BRD10: variants seen among roughly 807,000 people sequenced by gnomAD.
BRD10 encodes the protein uncharacterized bromodomain-containing protein 10.
the BRD10 span, chr9:5,898,058 A>ATTT: frequency 6.2e-5 from 10 of 160,456 alleles, no homozygotes; most frequent in African/African-American, 2.0e-4. Context: ...AGCTGAACTC[A>ATTT]TTTTTTTTTT....
At chr9:5,939,691 A>G in the BRD10 span, among the ~76,000 whole-genome samples, 1 of 152,234 alleles carries the variant, frequency 6.6e-6, no homozygotes, top group Admixed American at 6.5e-5. Flanking sequence ...ATGAAAGAAT[A>G]AGGCCCTTAG....
chr9:5,889,680 G>A, the BRD10 span, among the ~76,000 whole-genome samples: 1 of 152,074 alleles, frequency 6.6e-6, no homozygotes, highest in African/African-American at 2.4e-5. Context: ...AGCTACTCAG[G>A]AGGCTGAGGC....
At chr9:5,953,882 A>G in the BRD10 span, 12 of 636,846 alleles carry the variant, frequency 1.9e-5, no homozygotes, top group Admixed American at 3.2e-5. Flanking sequence ...TGCAGGGAGA[A>G]AAGTCACTGT....
chr9:5,943,368 A>T, the BRD10 span, among the ~76,000 whole-genome samples: 2 of 152,172 alleles, frequency 1.3e-5, no homozygotes, highest in African/African-American at 2.4e-5. Context: ...AATAAATAAA[A>T]GTTATGTTTA....
chr9:5,998,591 A>C, the BRD10 span, among the ~76,000 whole-genome samples: 1 of 152,110 alleles, frequency 6.6e-6, no homozygotes, highest in Non-Finnish European at 1.5e-5. Flanking sequence ...ATTAAGTGCT[A>C]TATAGCAAAC....
the BRD10 span, among the ~76,000 whole-genome samples, chr9:5,996,494 T>G: frequency 2.6e-5 from 4 of 152,106 alleles, no homozygotes; most frequent in African/African-American, 9.7e-5. Flanking sequence ...AATTTTTGTA[T>G]GTTTAGTAGA....
At chr9:5,959,032 G>C in the BRD10 span, among the ~76,000 whole-genome samples, 2 of 152,060 alleles carry the variant, frequency 1.3e-5, no homozygotes, top group African/African-American at 4.8e-5. Context: ...TATCATACTG[G>C]TAATTCTTTA....
At chr9:5,914,423 T>TG in the BRD10 span, among the ~76,000 whole-genome samples, 1 of 116,046 alleles carries the variant, frequency 8.6e-6, no homozygotes, top group Non-Finnish European at 1.8e-5. Context: ...TTTTTTTTTT[T>TG]TTTTTTTTTT....
the BRD10 span, chr9:6,008,315 G>A: frequency 2.0e-6 from 2 of 985,098 alleles, no homozygotes; most frequent in South Asian, 4.7e-5. Flanking sequence ...GGCGGTGCAC[G>A]GACGGGGCCC....
At chr9:5,906,186 TA>T in the BRD10 span, among the ~76,000 whole-genome samples, 301 of 140,330 alleles carry the variant, frequency 2.1e-3, no homozygotes, top group Admixed American at 2.6e-3. Context: ...TCATGTCTCT[TA>T]AAAAAAAAAA....
chr9:5,962,339 T>C, the BRD10 span, among the ~76,000 whole-genome samples: 3 of 106,882 alleles, frequency 2.8e-5, no homozygotes, highest in South Asian at 3.6e-4. Context: ...ACACATACAC[T>C]CTCCCAAGAC....
the BRD10 span, chr9:5,922,049 G>T: frequency 6.2e-7 from 1 of 1,613,986 alleles, no homozygotes; most frequent in South Asian, 1.1e-5. Context: ...CTGCAGCTGA[G>T]GAGCAAAAGT....
At chr9:5,902,155 GA>G in the BRD10 span, among the ~76,000 whole-genome samples, 1 of 152,112 alleles carries the variant, frequency 6.6e-6, no homozygotes, top group African/African-American at 2.4e-5. Flanking sequence ...TTCTGTTTTG[GA>G]AAGTTATTAT....
the BRD10 span, among the ~76,000 whole-genome samples, chr9:6,001,509 C>T: frequency 3.9e-5 from 6 of 152,248 alleles, no homozygotes; most frequent in South Asian, 8.3e-4. Flanking sequence ...CTCCTGCCTC[C>T]GTACTTTAAC....
At chr9:5,940,122 C>A in the BRD10 span, among the ~76,000 whole-genome samples, 25 of 137,630 alleles carry the variant, frequency 1.8e-4, no homozygotes, top group African/African-American at 6.1e-4. Context: ...CTTGAAATTT[C>A]TTTCTTTTTA....
chr9:5,893,861 G>C, the BRD10 span, among the ~76,000 whole-genome samples: 3 of 151,692 alleles, frequency 2.0e-5, no homozygotes, highest in East Asian at 5.8e-4. Flanking sequence ...GGCTAGGACC[G>C]TTCCTTTCAA....
chr9:5,965,056 T>TAAAAAAAAAA, the BRD10 span, among the ~76,000 whole-genome samples: 56 of 118,194 alleles, frequency 4.7e-4, no homozygotes, highest in East Asian at 7.7e-4. Flanking sequence ...TAAAGTATAA[T>TAAAAAAAAAA]AAAAAAAAAA....
chr9:5,999,086 T>C, the BRD10 span, among the ~76,000 whole-genome samples: 1 of 152,008 alleles, frequency 6.6e-6, no homozygotes, highest in African/African-American at 2.4e-5. Context: ...TGTTTATAAT[T>C]TATTAATTAT....
the BRD10 span, among the ~76,000 whole-genome samples, chr9:5,991,202 C>A: frequency 7.1e-4 from 104 of 146,640 alleles, 1 homozygote; most frequent in African/African-American, 2.5e-3. Context: ...ATATATATAT[C>A]ATGCATGTAC....
Sources: gnomAD v4.1 joint callset for allele counts (sites outside exome capture counted in the v4.1 genomes callset) on GRCh38, gnomAD v4.1.1 for gene constraint, MANE v1.5 for transcripts, NCBI Gene and HGNC (gene_info 2026-07-23, HGNC 2026-07-21) for gene names.